Variants in ANKRD11 observed in about 807,000 individuals in gnomAD.
ANKRD11 encodes ankyrin repeat domain-containing protein 11.
In ANKRD11, 17 loss-of-function variants were observed where a neutral mutation model predicts 195.7. That is an observed-to-expected ratio of 0.09 (90% confidence interval 0.06 to 0.13). The LOEUF is 0.13. ANKRD11 is among the 10% of genes least tolerant of loss of function. The pLI is 1.00. For missense variants in ANKRD11, 3,735 were observed against 3,566.1 expected (o/e 1.05, Z -1.21); for synonymous variants, 1,953 against 1,528.1 (o/e 1.28, Z -6.49).
intron 1 of ANKRD11, among the ~76,000 whole-genome samples, chr16:89,462,110 C>A (rs1009734851): frequency 7.0e-6 from 1 of 142,064 alleles, no homozygotes; most frequent in Non-Finnish European, 1.5e-5. Context: ...TCTCTTTCCA[C>A]GGTCTCCCTC....
intron 1 of ANKRD11, among the ~76,000 whole-genome samples, chr16:89,432,434 G>A (rs143660694): frequency 1.3e-5 from 2 of 152,070 alleles, no homozygotes; most frequent in African/African-American, 2.4e-5. Context: ...GTGTTGAGGG[G>A]TGCTGTCTGG....
At chr16:89,313,366 G>T (rs746956739) in intron 3 of ANKRD11, 2 of 1,287,682 alleles carry the variant, frequency 1.6e-6, no homozygotes, top group African/African-American at 3.0e-5. Flanking sequence ...GGTTCTTCCC[G>T]AGGCAGCTCA....
At chr16:89,469,671 G>T (rs1285730649) in intron 1 of ANKRD11, among the ~76,000 whole-genome samples, 1 of 151,080 alleles carries the variant, frequency 6.6e-6, no homozygotes, top group African/African-American at 2.4e-5. Flanking sequence ...GGCTGAGGCG[G>T]GCGGATCACG....
intron 2 of ANKRD11, among the ~76,000 whole-genome samples, chr16:89,371,576 AG>A (rs1158068511): frequency 6.6e-6 from 1 of 152,178 alleles, no homozygotes; most frequent in Non-Finnish European, 1.5e-5. Flanking sequence ...AGGAAGGTCC[AG>A]GCAGGCGCCG....
At chr16:89,271,138 C>T (rs2033114559) in intron 11 of ANKRD11, 1 of 587,614 alleles carries the variant, frequency 1.7e-6, no homozygotes, top group East Asian at 3.0e-5. Flanking sequence ...CCTTTGTCTC[C>T]TGGGCACCGG....
intron 2 of ANKRD11, among the ~76,000 whole-genome samples, chr16:89,386,172 T>G (rs1284182076): frequency 6.6e-6 from 1 of 152,218 alleles, no homozygotes; most frequent in Non-Finnish European, 1.5e-5. Context: ...AATGAACAAT[T>G]CATCTTTTAA....
chr16:89,313,738 C>G (rs2036758792), intron 3 of ANKRD11: 1 of 516,538 alleles, frequency 1.9e-6, no homozygotes, highest in Non-Finnish European at 3.2e-6. Flanking sequence ...GGGCTCACTT[C>G]CTCCCTAAGG....
At chr16:89,387,301 C>T (rs573918323) in intron 2 of ANKRD11, among the ~76,000 whole-genome samples, 2 of 151,802 alleles carry the variant, frequency 1.3e-5, no homozygotes, top group South Asian at 2.1e-4. Flanking sequence ...AAGGAAGGGG[C>T]TGCGTCTGTG....
At chr16:89,293,522 C>T (rs1390518820) in intron 4 of ANKRD11, among the ~76,000 whole-genome samples, 3 of 35,654 alleles carry the variant, frequency 8.4e-5, no homozygotes, top group South Asian at 1.1e-3. Context: ...AGCGAGGAGG[C>T]GGGGTGGTGT....
At position 89,475,249 on chromosome 16, in the gene ANKRD11, C is replaced by A. The variant is rs556520080; in HGVS notation, c.-145+14996G>T. 3.9e-5 allele frequency among the ~76,000 whole-genome samples: 6 copies of A among 152,314 alleles called. No individual in the cohort carries two copies. In the South Asian group the frequency reaches 1.0e-3, roughly 26 times the overall value. ...GAGAACAAAGCCCACAGCATTTAAG[C>A]TGGAGGGACAAGAAAATCCAATCAT... On this transcript the variant is annotated intron_variant, in intron 1 of 12. Coordinates refer to ENST00000301030, the MANE Select transcript of ANKRD11 (RefSeq NM_013275.6).
rs1401038010 is a variant in ANKRD11, at chr16:89,268,281, AGAG to A, written c.*194_*196del. 4 of 326,182 alleles carry A rather than the reference AGAG, an allele frequency of 1.2e-5. No individual in the cohort carries two copies. Among genetic ancestry groups the A allele is most frequent in the East Asian group, 5.9e-5 (1 of 17,036 alleles). The allele number at this position is 326,182 out of a possible 1,614,324, so 20.2% of individuals were successfully genotyped here. On this transcript the variant is annotated 3_prime_UTR_variant, in exon 13 of 13. Coordinates refer to ENST00000301030, the MANE Select transcript of ANKRD11 (RefSeq NM_013275.6). ...CTTTGCCCCCGCCGCGGCAGCTGGTAGAGAAGAGACGTGTTTCACCTCCCCGAC... is the reference window on the plus strand; with the variant it reads ...CTTTGCCCCCGCCGCGGCAGCTGGTAAAGAGACGTGTTTCACCTCCCCGAC...
chr16:89,287,883 T>A (rs1015937365), intron 7 of ANKRD11: 2 of 339,158 alleles, frequency 5.9e-6, no homozygotes, highest in African/African-American at 4.2e-5. Flanking sequence ...TGGCCCCGTG[T>A]GACCCCTCAG....
At position 89,275,156 on chromosome 16, in the gene ANKRD11, C is replaced by T. The variant is rs1192139945; in HGVS notation, c.7506G>A (p.Lys2502=). 1 of 1,611,098 alleles carries T rather than the reference C, an allele frequency of 6.2e-7. No homozygotes were observed. Among genetic ancestry groups the T allele is most frequent in the Non-Finnish European group, 8.5e-7 (1 of 1,179,010 alleles). The change falls in exon 10 of 13, where the codon AAG becomes AAA. Residue 2502 remains lysine (K), a synonymous_variant. Transcript: ENST00000301030. ...CGGCCTCCTGCTGCCTGAACAGCTC[C>T]TTCAGGGGCTCCGCCAGGGAGGGAG... ...APPPSLAEPL[K]ELFRQQEAVR... is the part of the protein sequence containing the mutation.
At chr16:89,392,673 T>C (rs901454477) in intron 2 of ANKRD11, 1 of 150,280 alleles carries the variant, frequency 6.7e-6, no homozygotes, top group Non-Finnish European at 1.5e-5. Flanking sequence ...GCACTTCGGA[T>C]GTCAGCCTAC....
At chr16:89,268,915 C>T (rs1343342725) in intron 12 of ANKRD11, among the ~76,000 whole-genome samples, 1 of 152,220 alleles carries the variant, frequency 6.6e-6, no homozygotes, top group African/African-American at 2.4e-5. Context: ...CACCCTGGCC[C>T]GGGGGCCCTG....
intron 2 of ANKRD11, among the ~76,000 whole-genome samples, chr16:89,338,382 A>G (rs2038482681): frequency 6.6e-6 from 1 of 151,550 alleles, no homozygotes. Context: ...ATGGGTTTGA[A>G]AAGGGCCTGA....
rs2034489230 is a variant in ANKRD11, at chr16:89,284,252, C to T, written c.2290G>A (p.Glu764Lys). ...CGGTCTTTTGATTTCTTCTTTCTCT[C>T]CTCTTTGTACAGTCTCAGTTTTTCT... Reference protein sequence around the residue: ...KEEKLRLYKEERKKKSKDRPS... With the variant: ...KEEKLRLYKEKRKKKSKDRPS... The change falls in exon 9 of 13, where the codon GAG becomes AAG. Residue 764 changes from glutamate to lysine, a missense_variant. By Grantham distance (56) the Glu-to-Lys change is moderately conservative. Coordinates refer to ENST00000301030, the MANE Select transcript of ANKRD11 (RefSeq NM_013275.6). The T allele has an allele frequency of 3.7e-6, 6 of 1,613,500 alleles. No individual in the cohort carries two copies. Among genetic ancestry groups the T allele is most frequent in the Non-Finnish European group, 5.1e-6 (6 of 1,179,972 alleles).
intron 2 of ANKRD11, among the ~76,000 whole-genome samples, chr16:89,319,759 G>T (rs1243824707): frequency 6.6e-6 from 1 of 152,212 alleles, no homozygotes. Context: ...CACCTCCCAG[G>T]ACCCGCCTGC....
intron 7 of ANKRD11, chr16:89,287,631 A>G (rs1049655655): frequency 1.9e-5 from 3 of 160,752 alleles, no homozygotes; most frequent in African/African-American, 7.2e-5. Flanking sequence ...CAGAAACAGT[A>G]TAAACCATAG....
Sources: gnomAD v4.1 joint callset for allele counts (sites outside exome capture counted in the v4.1 genomes callset) on GRCh38, gnomAD v4.1.1 for gene constraint, MANE v1.5 for transcripts, NCBI Gene and HGNC (gene_info 2026-07-23, HGNC 2026-07-21) for gene names.